XRN1: variants seen among roughly 807,000 people sequenced by gnomAD.
XRN1 encodes the protein 5'-3' exoribonuclease 1.
Under a neutral mutation model 222.3 loss-of-function variants are expected in XRN1, and 67 were observed. The observed-to-expected ratio is 0.30, with a 90% CI of 0.25 to 0.37. XRN1 has a LOEUF of 0.37. Ranked by LOEUF, XRN1 falls within the 10% of genes least tolerant of loss-of-function variation. The pLI is 1.00. For synonymous variants in XRN1, 643 were observed against 652.4 expected (o/e 0.99, Z 0.22); for missense variants, 1,707 against 2,000.2 (o/e 0.85, Z 2.80).
rs1237658392 is a variant in XRN1, at chr3:142,307,156, C to T, written c.*4355G>A. On this transcript the variant is annotated 3_prime_UTR_variant, in exon 41 of 41. Transcript: ENST00000392981. ...ATCCAAAAAACGAAAACAACCTCCC[C>T]ATCCCCCACCAAACCCTTAACTGTA... 15 of 152,090 alleles carry T rather than the reference C, an allele frequency of 9.9e-5. No individual in the cohort carries two copies. The highest frequency in any genetic ancestry group is 1.5e-5 in the Non-Finnish European group (1 of 67,998). The allele number at this position is 152,090 out of a possible 1,614,324, so 9.4% of individuals were successfully genotyped here.
At chr3:142,439,974 G>A (rs571776179) in intron 1 of XRN1, among the ~76,000 whole-genome samples, 70 of 152,246 alleles carry the variant, frequency 4.6e-4, no homozygotes, top group Admixed American at 1.3e-3. Context: ...CTCAGGAGAC[G>A]AAGGTCCTCT....
chr3:142,447,876 C>T lies in XRN1; in HGVS notation c.69G>A (p.Glu23=). ...RYPCLSEVVK[E]HQIPEFDNLY... is the part of the protein sequence containing the mutation. ...TTGCCCCTCGCTCACCCACCTGATGCTCTTTCACCACTTCGCTGAGACAGG... is the reference window on the plus strand; with the variant it reads ...TTGCCCCTCGCTCACCCACCTGATGTTCTTTCACCACTTCGCTGAGACAGG... Residue 23 remains glutamate, a synonymous_variant, in exon 1 of 41, where the codon GAG becomes GAA. Transcript: ENST00000392981. This position sits in a 1 kb window ranked among gnomAD's most constrained non-coding sequence, Gnocchi z 4.2. The T allele has an allele frequency of 6.2e-7, 1 of 1,613,678 alleles. No homozygotes were observed. The highest frequency in any genetic ancestry group is 1.1e-5 in the South Asian group (1 of 91,042).
chr3:142,400,294 CA>C, intron 19 of XRN1, 149 bp downstream of exon 19: 1 of 549,228 alleles, frequency 1.8e-6, no homozygotes, highest in East Asian at 3.1e-5. Flanking sequence ...GTTTGAACTT[CA>C]AGTGGTGTCA....
intron 1 of XRN1, among the ~76,000 whole-genome samples, chr3:142,443,637 T>A (rs1435218686): frequency 6.6e-6 from 1 of 152,232 alleles, no homozygotes; most frequent in Non-Finnish European, 1.5e-5. Context: ...TGTCACTCTA[T>A]TAAATCTTGC....
At chr3:142,358,210 G>A (rs1057462556) in intron 30 of XRN1, among the ~76,000 whole-genome samples, 2 of 152,144 alleles carry the variant, frequency 1.3e-5, no homozygotes, top group African/African-American at 4.8e-5. Flanking sequence ...GTCAAATGTG[G>A]AGTCCAGCCC....
At position 142,422,715 on chromosome 3, in the gene XRN1, T is replaced by C. The variant is rs781422823; in HGVS notation, c.834A>G (p.Ile278Met). 1.9e-6 allele frequency: 3 copies of C among 1,612,110 alleles called. No individual in the cohort carries two copies. Among genetic ancestry groups the C allele is most frequent in the East Asian group, 4.5e-5 (2 of 44,776 alleles). The change falls in exon 8 of 41, where the codon ATA (isoleucine) becomes ATG (methionine). Residue 278 changes from isoleucine to methionine, a missense_variant. By Grantham distance (10) the Ile-to-Met change is conservative (BLOSUM62 1). This residue lies in a region of XRN1 where 1,234 missense variants were observed against 1,518.2 expected (regional missense o/e 0.81). Transcript: ENST00000392981. The part of the protein sequence containing the change: ...KITFKYDIER[I>M]IDDWILMGFL... ...ACCCCATCAAAATCCAATCATCTAT[T>C]ATCCTTTCAATATCATATTTAAATG...
chr3:142,324,933 T>TAC (rs2065476240), intron 37 of XRN1, among the ~76,000 whole-genome samples: 1 of 152,184 alleles, frequency 6.6e-6, no homozygotes, highest in Non-Finnish European at 1.5e-5. Context: ...TGTATATATA[T>TAC]ACACACACAT....
chr3:142,434,130 CA>C (rs2069756206), intron 1 of XRN1, among the ~76,000 whole-genome samples: 1 of 151,990 alleles, frequency 6.6e-6, no homozygotes, highest in African/African-American at 2.4e-5. Flanking sequence ...GACTTTTCAA[CA>C]GGGGTATTTT....
intron 33 of XRN1, among the ~76,000 whole-genome samples, chr3:142,339,634 G>A (rs1254098903): frequency 6.6e-6 from 1 of 152,166 alleles, no homozygotes; most frequent in Non-Finnish European, 1.5e-5. Context: ...CTTTCAGACA[G>A]AGAATTCAAA....
At chr3:142,330,368 T>A (rs2065660044) in intron 36 of XRN1, among the ~76,000 whole-genome samples, 2 of 152,152 alleles carry the variant, frequency 1.3e-5, no homozygotes, top group South Asian at 4.1e-4. Flanking sequence ...CTTCTAAGTG[T>A]TTTTATATGG....
In XRN1 at chr3:142,432,513, A is replaced by G. The variant is rs920977589; in HGVS notation, c.308+148T>C. 5 of 747,154 alleles carry G rather than the reference A, an allele frequency of 6.7e-6. No homozygotes were observed. The African/African-American group carries it at 8.9e-5, about 13-fold the overall frequency. The allele number at this position is 747,154 out of a possible 1,614,324, so 46.3% of individuals were successfully genotyped here. On this transcript the variant is annotated intron_variant, in intron 2 of 40. Coordinates refer to ENST00000392981, the MANE Select transcript of XRN1 (RefSeq NM_001282857.2). ...GTTCCTAACTCATTACTCGACTGGT[A>G]AAATATGACACTGAGATATTTCCAT... is the stretch of plus-strand genomic sequence containing the variant.
chr3:142,422,565 T>G lies in XRN1; in HGVS notation c.967+17A>C. On this transcript the variant is annotated intron_variant, in intron 8 of 40. Transcript: ENST00000392981. Reference sequence around the variant, plus strand: ...CTAAATTAAAGTATCCTCGAGAGATTATTAAATTCTTCTTACCCCCAAGTT... The same window carrying G: ...CTAAATTAAAGTATCCTCGAGAGATGATTAAATTCTTCTTACCCCCAAGTT... The G allele has an allele frequency of 1.2e-6, 2 of 1,609,202 alleles. No individual in the cohort carries two copies. The highest frequency in any genetic ancestry group is 2.2e-5 in the East Asian group (1 of 44,772).
intron 27 of XRN1, among the ~76,000 whole-genome samples, chr3:142,367,653 C>A (rs1277566132): frequency 3.3e-5 from 5 of 152,002 alleles, no homozygotes; most frequent in Non-Finnish European, 7.4e-5. Context: ...TCAAGTAATT[C>A]TCCTGCCTTG....
chr3:142,366,926 C>T (rs1353499373), intron 27 of XRN1, among the ~76,000 whole-genome samples: 1 of 152,152 alleles, frequency 6.6e-6, no homozygotes, highest in Non-Finnish European at 1.5e-5. Flanking sequence ...AGGCCCAACC[C>T]ATATCTAATG....
chr3:142,325,123 T>C (rs961369677), intron 37 of XRN1, among the ~76,000 whole-genome samples: 1 of 152,170 alleles, frequency 6.6e-6, no homozygotes, highest in East Asian at 1.9e-4. Flanking sequence ...ATTTTTATCT[T>C]TTTGAGCAAT....
intron 1 of XRN1, among the ~76,000 whole-genome samples, chr3:142,439,983 C>CA (rs2070125163): frequency 6.6e-6 from 1 of 152,108 alleles, no homozygotes; most frequent in Non-Finnish European, 1.5e-5. Flanking sequence ...CGAAGGTCCT[C>CA]TGAGACGAAG....
At chr3:142,317,525 C>T (rs1312311135) in intron 39 of XRN1, among the ~76,000 whole-genome samples, 1 of 152,094 alleles carries the variant, frequency 6.6e-6, no homozygotes, top group African/African-American at 2.4e-5. Context: ...GGAACTTTTC[C>T]TTAATCTCTG....
intron 39 of XRN1, among the ~76,000 whole-genome samples, chr3:142,317,819 C>A (rs1213265772): frequency 6.6e-6 from 1 of 152,210 alleles, no homozygotes; most frequent in Non-Finnish European, 1.5e-5. Flanking sequence ...GTAGTCTCTT[C>A]TACAGGCACT....
intron 13 of XRN1, among the ~76,000 whole-genome samples, chr3:142,414,497 AT>A (rs35156679): frequency 1.9e-3 from 266 of 143,734 alleles, no homozygotes; most frequent in African/African-American, 1.6e-3. Context: ...CATTTCCTGA[AT>A]TTTTTTTTTT....
Sources: gnomAD v4.1 joint callset for allele counts (sites outside exome capture counted in the v4.1 genomes callset) on GRCh38, gnomAD v4.1.1 for gene constraint, gnomAD v4.1.1 regional missense constraint, Gnocchi (gnomAD v3.1) non-coding constraint, MANE v1.5 for transcripts, NCBI Gene and HGNC (gene_info 2026-07-23, HGNC 2026-07-21) for gene names.